The following BRSK2 variants were observed in gnomAD, a reference collection of about 807,000 sequenced individuals.
The protein encoded by BRSK2 is BR serine/threonine kinase 2.
In BRSK2, 19 loss-of-function variants were observed where a neutral mutation model predicts 83.3. That is an observed-to-expected ratio of 0.23 (90% CI 0.16 to 0.33). The LOEUF (loss-of-function observed/expected upper bound fraction) is 0.33. BRSK2 is among the 10% of genes least tolerant of loss of function. BRSK2 has a pLI of 1.00. For missense variants in BRSK2, 798 were observed against 1,042.3 expected, an observed-to-expected ratio of 0.77 and a Z score of 3.23; for synonymous variants, 519 against 435.4, an observed-to-expected ratio of 1.19 and a Z score of -2.39.
At position 1,456,610 on chromosome 11, in the gene BRSK2, G is replaced by A. The variant is rs966973013; in HGVS notation, c.1862G>A (p.Arg621His). The A allele has an allele frequency of 1.2e-6, 2 of 1,610,830 alleles. No homozygotes were observed. The highest frequency in any genetic ancestry group is 8.5e-7 in the Non-Finnish European group (1 of 1,179,282). The change falls in exon 18 of 20, where the codon CGC becomes CAC. Residue 621 changes from arginine to histidine, a missense_variant. Arg to His is a conservative substitution (Grantham distance 29, BLOSUM62 0). Transcript: ENST00000528841. ...TFTLLSGPSR[R>H]FKRVVETIQA... ...CTGTCTCCCCTAGGCCCCAGCCGTC[G>A]CTTCAAGAGGGTGGTGGAGACCATC...
At chr11:1,457,382 G>T (rs762758420) in intron 18 of BRSK2, among the ~76,000 whole-genome samples, 1 of 152,206 alleles carries the variant, frequency 6.6e-6, no homozygotes, top group Non-Finnish European at 1.5e-5. Flanking sequence ...CAGAGCGGGG[G>T]CTTCACCACA....
At chr11:1,425,470 G>A (rs1023776769) in intron 1 of BRSK2, among the ~76,000 whole-genome samples, 29 of 152,340 alleles carry the variant, frequency 1.9e-4, no homozygotes, top group African/African-American at 7.0e-4. Flanking sequence ...GTGCGGGTTG[G>A]TGACAGCGAC....
rs1232771681 is a variant in BRSK2, at chr11:1,446,018, G to A, written c.1226+111G>A. On this transcript the variant is annotated intron_variant, in intron 12 of 19. Transcript: ENST00000528841. ...CTGGGGTCTCGGCTGAGGCCATTGG[G>A]TGGGGCTGTATGGGCTAAACTGGGC... 2.3e-5 allele frequency: 32 copies of A among 1,404,594 alleles called. 1 individual carries two copies. The highest frequency in any genetic ancestry group is 2.9e-5 in the Non-Finnish European group (31 of 1,059,694). The allele number at this position is 1,404,594 out of a possible 1,614,324, so 87.0% of individuals were successfully genotyped here.
In BRSK2 at chr11:1,456,599, C is replaced by G. The variant is rs756467483; in HGVS notation, c.1851C>G (p.Gly617=). The change falls in exon 18 of 20, where the codon GGC becomes GGG. Residue 617 remains glycine, a splice_region_variant and synonymous_variant. Coordinates refer to ENST00000528841, the MANE Select transcript of BRSK2 (RefSeq NM_001256627.2). ...GGCATAACCCCCTGTCTCCCCTAGG[C>G]CCCAGCCGTCGCTTCAAGAGGGTGG... is the stretch of plus-strand genomic sequence containing the variant. ...IYSVTFTLLS[G]PSRRFKRVVE... The G allele has an allele frequency of 2.5e-6, 4 of 1,610,432 alleles. No homozygotes were observed. In the East Asian group the frequency reaches 8.9e-5, roughly 36 times the overall value.
chr11:1,459,275 T>C (rs575678329), intron 19 of BRSK2, 36 bp downstream of exon 19: 1 of 1,610,812 alleles, frequency 6.2e-7, no homozygotes, highest in East Asian at 2.2e-5. Context: ...CACCTCCACC[T>C]GCCACTTCAC....
chr11:1,449,731 A>G, intron 12 of BRSK2, 45 bp from the exon 13 acceptor site: 1 of 1,562,518 alleles, frequency 6.4e-7, no homozygotes, highest in Non-Finnish European at 8.8e-7. Context: ...CTGCTGCTCC[A>G]CTGCCCCCTG....
intron 1 of BRSK2, among the ~76,000 whole-genome samples, chr11:1,420,338 G>A (rs573669675): frequency 3.9e-5 from 6 of 152,302 alleles, no homozygotes; most frequent in East Asian, 1.9e-4. Flanking sequence ...ACCTGTGCAC[G>A]CCCTTGGCAG....
intron 1 of BRSK2, among the ~76,000 whole-genome samples, chr11:1,422,364 C>T (rs1056378539): frequency 1.3e-5 from 2 of 152,062 alleles, no homozygotes; most frequent in Non-Finnish European, 2.9e-5. Context: ...ATGGGGTGCT[C>T]TGGGGAGGGG....
At position 1,410,470 on chromosome 11, in the gene BRSK2, G is replaced by A. The variant is rs190490343; in HGVS notation, c.91+20095G>A. The A allele has an allele frequency of 8.6e-3, 8,507 of 985,030 alleles. 59 individuals carry two copies. Among genetic ancestry groups the A allele is most frequent in the Middle Eastern group, 0.012 (23 of 1,912 alleles). The allele number at this position is 985,030 out of a possible 1,614,324, so 61.0% of individuals were successfully genotyped here. On this transcript the variant is annotated intron_variant, in intron 1 of 19. Coordinates refer to ENST00000528841, the MANE Select transcript of BRSK2 (RefSeq NM_001256627.2). Reference sequence around the variant, plus strand: ...TGGGGGCGCCGTGAAAGCACCCAGCGTAGTCATGCTGCTGTGTGCGATGGG... The same window carrying A: ...TGGGGGCGCCGTGAAAGCACCCAGCATAGTCATGCTGCTGTGTGCGATGGG...
intron 1 of BRSK2, chr11:1,411,491 C>T (rs777603220): frequency 6.7e-7 from 1 of 1,484,654 alleles, no homozygotes; most frequent in African/African-American, 1.4e-5. Flanking sequence ...CAAGAGAGCC[C>T]AGGTCTGGCC....
chr11:1,436,937 G>C (rs1303505053), intron 2 of BRSK2, among the ~76,000 whole-genome samples: 4 of 151,852 alleles, frequency 2.6e-5, no homozygotes, highest in Admixed American at 2.6e-4. Flanking sequence ...GCACCCCCCA[G>C]CTGCTGGGGT....
intron 1 of BRSK2, among the ~76,000 whole-genome samples, chr11:1,409,086 G>A (rs904156670): frequency 1.3e-5 from 2 of 152,104 alleles, no homozygotes; most frequent in Admixed American, 1.3e-4. Context: ...CTGTGTAAGG[G>A]TGTGTGTACA....
chr11:1,396,709 G>A (rs979410155), intron 1 of BRSK2, among the ~76,000 whole-genome samples: 1 of 152,246 alleles, frequency 6.6e-6, no homozygotes, highest in African/African-American at 2.4e-5. Flanking sequence ...GGGAGGGTCA[G>A]GCTGTCTCTG....
chr11:1,426,187 C>G (rs1403716629), intron 1 of BRSK2, among the ~76,000 whole-genome samples: 1 of 151,990 alleles, frequency 6.6e-6, no homozygotes, highest in East Asian at 1.9e-4. Flanking sequence ...CCATCAGGGC[C>G]TGGATGGGGG....
intron 1 of BRSK2, among the ~76,000 whole-genome samples, chr11:1,409,184 C>G (rs965551125): frequency 2.6e-5 from 4 of 152,208 alleles, no homozygotes; most frequent in African/African-American, 2.4e-5. Context: ...CTGCCCCGCC[C>G]CAGCCATCCC....
At chr11:1,434,991 G>A (rs535347238) in intron 1 of BRSK2, among the ~76,000 whole-genome samples, 1 of 151,888 alleles carries the variant, frequency 6.6e-6, no homozygotes, top group East Asian at 2.0e-4. Context: ...GAGGAGAAAG[G>A]GAGGGTGGGC....
intron 12 of BRSK2, chr11:1,447,731 C>T: frequency 3.3e-6 from 5 of 1,503,180 alleles, no homozygotes; most frequent in Non-Finnish European, 4.5e-6. Flanking sequence ...GGCCCGGGCC[C>T]TGGGGGCCGA....
rs377410343 is a variant in BRSK2 at position 1,450,688 on chromosome 11, G to A, written c.1389G>A (p.Thr463=). ...KESPAGTPNP[T]PPSSPSVGGV... is the part of the protein sequence containing the mutation. ...GCCCGGCTGGCACGCCCAACCCCAC[G>A]CCCCCGTCCAGCCCCAGCGTCGGAG... The change falls in exon 14 of 20, where the codon ACG becomes ACA. Residue 463 remains threonine (T), a synonymous_variant. Transcript: ENST00000528841. 1,170 of 1,608,362 alleles carry A rather than the reference G, an allele frequency of 7.3e-4. No individual in the cohort carries two copies. Among genetic ancestry groups the A allele is most frequent in the Non-Finnish European group, 8.7e-4 (1,023 of 1,178,330 alleles).
At chr11:1,439,417 G>C (rs1408697661) in intron 3 of BRSK2, among the ~76,000 whole-genome samples, 2 of 152,122 alleles carry the variant, frequency 1.3e-5, no homozygotes, top group East Asian at 1.9e-4. Flanking sequence ...GGACTGGGGG[G>C]GCGGGGGTGG....
Sources: gnomAD v4.1 joint callset for allele counts (sites outside exome capture counted in the v4.1 genomes callset) on GRCh38, gnomAD v4.1.1 for gene constraint, MANE v1.5 for transcripts, NCBI Gene and HGNC (gene_info 2026-07-23, HGNC 2026-07-21) for gene names.